Variants in NKIRAS1 observed in about 807,000 individuals in gnomAD.
NKIRAS1 encodes the protein NF-kappa-B inhibitor-interacting Ras-like protein 1.
In NKIRAS1, 16 loss-of-function variants were observed where a neutral mutation model predicts 19.8. The ratio of observed to expected loss-of-function variants is 0.81; its 90% CI spans 0.55 to 1.23. NKIRAS1 has a LOEUF of 1.23. NKIRAS1 is among the 50% of genes most tolerant of loss of function. The pLI is 0.00. For synonymous variants in NKIRAS1, 88 were observed against 79.0 expected (o/e 1.11, Z -0.61); for missense variants, 184 against 220.0 (o/e 0.84, Z 1.04).
At chr3:23,943,483 G>A (rs1227861866) in intron 1 of NKIRAS1, among the ~76,000 whole-genome samples, 1 of 151,002 alleles carries the variant, frequency 6.6e-6, no homozygotes, top group Non-Finnish European at 1.5e-5. Context: ...CACCCGCCTT[G>A]GCCTCCCAAA....
rs1199526634 is a variant in NKIRAS1 at position 23,927,974 on chromosome 3, G to C, written c.-139-16524C>G. Among the ~76,000 whole-genome samples the C allele has an allele frequency of 6.6e-6, 1 of 151,968 alleles. No individual in the cohort carries two copies. Among genetic ancestry groups the C allele is most frequent in the African/African-American group, 2.4e-5 (1 of 41,372 alleles). On this transcript the variant is annotated intron_variant, in intron 1 of 4. Coordinates refer to the NKIRAS1 transcript ENST00000421515. This position sits in a 1 kb window ranked among gnomAD's most constrained non-coding sequence, Gnocchi z 4.0. ...CATGCCAGTAGTACCAGATATGCAG[G>C]AGGCTGAGGTGGAAGAATTGCTTGA...
chr3:23,906,158 CAAAAAAA>C (rs377092022), intron 3 of NKIRAS1, among the ~76,000 whole-genome samples: 9 of 98,836 alleles, frequency 9.1e-5, no homozygotes, highest in African/African-American at 3.2e-4. Flanking sequence ...GACTCCGTCT[CAAAAAAA>C]AAAAAAAAAA....
chr3:23,915,752 C>T (rs750319580), intron 1 of NKIRAS1, among the ~76,000 whole-genome samples: 1 of 152,160 alleles, frequency 6.6e-6, no homozygotes, highest in Non-Finnish European at 1.5e-5. Context: ...CATGGCTCTT[C>T]TCCCTCTGCC....
At chr3:23,912,989 C>T (rs1287674404) in intron 1 of NKIRAS1, among the ~76,000 whole-genome samples, 3 of 138,064 alleles carry the variant, frequency 2.2e-5, no homozygotes, top group South Asian at 4.4e-4. Context: ...TGCAGTGAGC[C>T]GAGATCATGC....
intron 1 of NKIRAS1, among the ~76,000 whole-genome samples, chr3:23,936,532 C>A (rs1705395552): frequency 6.6e-6 from 1 of 152,108 alleles, no homozygotes; most frequent in Non-Finnish European, 1.5e-5. Flanking sequence ...GAGGTAGAGC[C>A]CGAAAAACTG....
At chr3:23,906,012 A>C (rs974504303) in intron 3 of NKIRAS1, among the ~76,000 whole-genome samples, 17 of 152,202 alleles carry the variant, frequency 1.1e-4, no homozygotes, top group Non-Finnish European at 2.4e-4. Context: ...CACAAAAATT[A>C]GCCAGGCATG....
chr3:23,919,234 G>C (rs1298827643), upstream of NKIRAS1: 2 of 1,613,746 alleles, frequency 1.2e-6, no homozygotes, highest in Non-Finnish European at 1.7e-6. Context: ...TGAGAGTCCT[G>C]AATTCTTACT....
chr3:23,929,936 T>A (rs1053497542), intron 1 of NKIRAS1, among the ~76,000 whole-genome samples: 1 of 152,172 alleles, frequency 6.6e-6, no homozygotes, highest in African/African-American at 2.4e-5. Flanking sequence ...TTGTTTTTTT[T>A]AATTGGAAAA....
At chr3:23,905,633 A>T (rs1252328175) in intron 3 of NKIRAS1, among the ~76,000 whole-genome samples, 2 of 152,206 alleles carry the variant, frequency 1.3e-5, no homozygotes, top group African/African-American at 4.8e-5. Context: ...ACAGATATGA[A>T]GTAAAGGAAA....
chr3:23,921,396 CTGTT>C (rs375682794), upstream of NKIRAS1, among the ~76,000 whole-genome samples: 273 of 152,322 alleles, frequency 1.8e-3, 1 homozygote, highest in African/African-American at 6.3e-3. Context: ...AGGCTCCTTG[CTGTT>C]TGTTCTTCAA....
intron 1 of NKIRAS1, among the ~76,000 whole-genome samples, chr3:23,936,549 C>CT (rs1426286361): frequency 1.4e-4 from 21 of 149,094 alleles, no homozygotes; most frequent in East Asian, 4.3e-4. Flanking sequence ...ACTGCTTTTT[C>CT]TTTTTTTTTT....
chr3:23,907,194 TCTTC>T (rs1353535367), intron 3 of NKIRAS1, among the ~76,000 whole-genome samples: 3 of 152,198 alleles, frequency 2.0e-5, no homozygotes, highest in African/African-American at 4.8e-5. Flanking sequence ...ACACCCGGCT[TCTTC>T]CTTATGATTT....
chr3:23,896,301 T>C (rs970447246), intron 4 of NKIRAS1, among the ~76,000 whole-genome samples: 1 of 149,950 alleles, frequency 6.7e-6, no homozygotes. Flanking sequence ...CCCATTAGCA[T>C]ACAAACACAA....
chr3:23,920,281 G>A (rs867732845), upstream of NKIRAS1: 5 of 985,628 alleles, frequency 5.1e-6, no homozygotes, highest in Non-Finnish European at 6.0e-6. Flanking sequence ...AAAGTAGTTG[G>A]CTATAAGTAC....
rs1257074337 is a variant in NKIRAS1, at chr3:23,889,998, G to C, written c.*3097C>G. ...AATTTATTAAAGATCCTAAGATTCA[G>C]AGAAATACTATACTTAATTGGAGGT... On this transcript the variant is annotated 3_prime_UTR_variant, in exon 5 of 5. Coordinates refer to ENST00000425478, the MANE Select transcript of NKIRAS1 (RefSeq NM_020345.4). 2.0e-5 allele frequency among the ~76,000 whole-genome samples: 3 copies of C among 152,122 alleles called. No homozygotes were observed. Among genetic ancestry groups the C allele is most frequent in the Admixed American group, 6.5e-5 (1 of 15,270 alleles).
upstream of NKIRAS1, chr3:23,918,158 C>A: frequency 8.4e-7 from 1 of 1,193,990 alleles, no homozygotes. Context: ...AAAAAGCTAG[C>A]AACACTGGTC....
chr3:23,920,640 TG>T (rs1177639696), upstream of NKIRAS1: 46 of 984,982 alleles, frequency 4.7e-5, no homozygotes, highest in Admixed American at 6.1e-5. Flanking sequence ...TTAATTTAAA[TG>T]CTCGTTCTGA....
At chr3:23,946,265 G>T in intron 1 of NKIRAS1, 1 of 985,474 alleles carries the variant, frequency 1.0e-6, no homozygotes, top group Non-Finnish European at 1.2e-6. Flanking sequence ...TGACCCCAAG[G>T]CGCGGACCCC....
intron 4 of NKIRAS1, among the ~76,000 whole-genome samples, chr3:23,895,647 C>A (rs1701904608): frequency 2.0e-5 from 3 of 152,184 alleles, no homozygotes; most frequent in African/African-American, 7.2e-5. Context: ...AAACATACAA[C>A]CCTGCTGGCC....
Sources: gnomAD v4.1 joint callset for allele counts (sites outside exome capture counted in the v4.1 genomes callset) on GRCh38, gnomAD v4.1.1 for gene constraint, Gnocchi (gnomAD v3.1) non-coding constraint, MANE v1.5 for transcripts, NCBI Gene and HGNC (gene_info 2026-07-23, HGNC 2026-07-21) for gene names.